PFKFB4: variants seen among roughly 807,000 people sequenced by gnomAD.
PFKFB4 encodes 6-phosphofructo-2-kinase/fructose-2,6-biphosphatase 4.
PFKFB4 carries 42 observed loss-of-function variants against 62.8 expected under a neutral mutation model. The ratio of observed to expected loss-of-function variants is 0.67; its 90% confidence interval spans 0.52 to 0.86. The LOEUF is 0.86. Ranked by LOEUF, PFKFB4 falls within the 40% of genes least tolerant of loss-of-function variation. PFKFB4 has a pLI of 0.00. For synonymous variants in PFKFB4, 204 were observed against 240.7 expected (o/e 0.85, Z 1.41); for missense variants, 475 against 627.2 (o/e 0.76, Z 2.59).
intron 7 of PFKFB4, among the ~76,000 whole-genome samples, chr3:48,537,247 T>C (rs1047434487): frequency 3.9e-5 from 6 of 152,054 alleles, no homozygotes; most frequent in Admixed American, 3.3e-4. Context: ...TTTGGGGGTG[T>C]CACGATGACA....
rs2042829837 is a variant in PFKFB4, at chr3:48,542,408, G to A, written c.378+1172C>T. Among the ~76,000 whole-genome samples, 3 of 152,056 alleles carry A rather than the reference G, an allele frequency of 2.0e-5. No individual in the cohort carries two copies. In the South Asian group the frequency reaches 6.2e-4, roughly 32 times the overall value. The stretch of plus-strand genomic sequence containing the variant: ...CAGAATCTCAGAATCAAGCTAGCAT[G>A]TAGCCACCAGAAGTTCTAGAAAAAG... On this transcript the variant is annotated intron_variant, in intron 4 of 13. Coordinates refer to ENST00000232375, the MANE Select transcript of PFKFB4 (RefSeq NM_004567.4).
intron 1 of PFKFB4, among the ~76,000 whole-genome samples, chr3:48,555,388 G>A (rs1231015438): frequency 3.9e-5 from 6 of 152,122 alleles, no homozygotes; most frequent in Non-Finnish European, 8.8e-5. Context: ...CAAAGCCATG[G>A]CTCCAGGCTG....
In PFKFB4 at chr3:48,525,612, C is replaced by T. The variant is rs142378118; in HGVS notation, c.1045G>A (p.Ala349Thr). ...CGGTACTTGTCCTGGTCCCGCAGGGCGAACTCCAGTGGATAATTATCCTGA... is the reference window on the plus strand; with the variant it reads ...CGGTACTTGTCCTGGTCCCGCAGGGTGAACTCCAGTGGATAATTATCCTGA... ...EIQDNYPLEF[A>T]LRDQDKYRYR... is the part of the protein sequence containing the mutation. Residue 349 changes from alanine to threonine, a missense_variant, in exon 10 of 14, where the codon GCC becomes ACC. Transcript: ENST00000232375. The T allele has an allele frequency of 9.9e-6, 16 of 1,608,540 alleles. No homozygotes were observed. The highest frequency in any genetic ancestry group is 1.3e-5 in the Non-Finnish European group (15 of 1,176,842).
At chr3:48,553,005 A>G (rs1228529544) in intron 1 of PFKFB4, among the ~76,000 whole-genome samples, 2 of 152,224 alleles carry the variant, frequency 1.3e-5, no homozygotes, top group Non-Finnish European at 2.9e-5. Context: ...TCTGCTTACC[A>G]TAGCAAAACA....
At position 48,549,951 on chromosome 3, in the gene PFKFB4, A is replaced by G. The variant is rs2043082207; in HGVS notation, c.224T>C (p.Val75Ala). The part of the protein sequence containing the change: ...WIGVPTREFN[V>A]GQYRRDVVKT... ...GACCACGTCCCGGCGATACTGGCCA[A>G]CATTGAACTCTGGAGGGAAGGAGAG... is the stretch of plus-strand genomic sequence containing the variant. Residue 75 changes from valine to alanine, a missense_variant, in exon 3 of 14, where the codon GTT becomes GCT. Val to Ala is a moderately conservative substitution (Grantham distance 64). Transcript: ENST00000232375. The G allele has an allele frequency of 6.2e-7, 1 of 1,612,500 alleles. No homozygotes were observed. The highest frequency in any genetic ancestry group is 1.3e-5 in the African/African-American group (1 of 74,920).
chr3:48,536,499 G>A (rs369403208), intron 7 of PFKFB4, 36 bp from the exon 8 acceptor site: 33 of 1,535,452 alleles, frequency 2.1e-5, no homozygotes, highest in Middle Eastern at 1.8e-4. Context: ...GCCTGTGAGC[G>A]TGGCCAGGGT....
At chr3:48,554,884 CTACTAAAAA>C (rs2043264393) in intron 1 of PFKFB4, among the ~76,000 whole-genome samples, 1 of 151,954 alleles carries the variant, frequency 6.6e-6, no homozygotes, top group African/African-American at 2.4e-5. Flanking sequence ...AAACTCCATC[CTACTAAAAA>C]TACAAAATTA....
At chr3:48,526,940 C>CA (rs777088751) in intron 9 of PFKFB4, among the ~76,000 whole-genome samples, 2,309 of 65,440 alleles carry the variant, frequency 0.035, 37 homozygotes, top group East Asian at 0.11. Context: ...GACTCCATCT[C>CA]AAAAAAAAAA....
At chr3:48,525,811 A>T (rs2042239606) in intron 9 of PFKFB4, 142 bp from the exon 10 acceptor site, 2 of 476,834 alleles carry the variant, frequency 4.2e-6, no homozygotes, top group African/African-American at 2.0e-5. Flanking sequence ...CTGTCTAAGG[A>T]GGGGAGGACC....
chr3:48,543,436 C>A (rs1245912022), intron 4 of PFKFB4, 144 bp downstream of exon 4: 2 of 727,450 alleles, frequency 2.7e-6, no homozygotes, highest in East Asian at 2.7e-5. Context: ...ATAGCTGTTG[C>A]AGACTTCCTC....
intron 4 of PFKFB4, among the ~76,000 whole-genome samples, chr3:48,543,300 T>A (rs1439483407): frequency 6.6e-6 from 1 of 152,202 alleles, no homozygotes; most frequent in Non-Finnish European, 1.5e-5. Context: ...GGCAACCTGA[T>A]ACCTGTAACT....
chr3:48,541,074 C>T lies in PFKFB4; in HGVS notation c.379-1303G>A, dbSNP rs2042783935. Among the ~76,000 whole-genome samples the T allele has an allele frequency of 2.0e-5, 3 of 149,988 alleles. No homozygotes were observed. The South Asian group carries it at 6.4e-4, about 32-fold the overall frequency. The stretch of plus-strand genomic sequence containing the variant: ...ACAGGGGTGAGCCACTGTGCCCAAC[C>T]ACATCTGGCTAATTTTTTTTTTTTT... On this transcript the variant is annotated intron_variant, in intron 4 of 13. Transcript: ENST00000232375.
chr3:48,560,547 AG>A (rs1187312574), upstream of PFKFB4, among the ~76,000 whole-genome samples: 4 of 152,234 alleles, frequency 2.6e-5, no homozygotes, highest in Non-Finnish European at 5.9e-5. Context: ...AGGACCAGCA[AG>A]GGCACACAGA....
At chr3:48,561,171 C>A, upstream of PFKFB4, 1 of 1,026,022 alleles carries the variant, frequency 9.7e-7, no homozygotes, top group Non-Finnish European at 1.3e-6. This position sits in a 1 kb window ranked among gnomAD's most constrained non-coding sequence, Gnocchi z 5.2. Flanking sequence ...GTGGGGTAAC[C>A]CCGCCTAGCA....
At chr3:48,549,030 C>T (rs185596822) in intron 3 of PFKFB4, among the ~76,000 whole-genome samples, 5 of 152,254 alleles carry the variant, frequency 3.3e-5, no homozygotes, top group Non-Finnish European at 5.9e-5. Flanking sequence ...CTGCTCACTG[C>T]CCTATCCTGA....
intron 10 of PFKFB4, among the ~76,000 whole-genome samples, chr3:48,525,336 C>G (rs536983101): frequency 6.6e-6 from 1 of 152,296 alleles, no homozygotes; most frequent in South Asian, 2.1e-4. Flanking sequence ...AGGTTGAAGG[C>G]CTGCCCTACA....
At chr3:48,556,984 T>C (rs1378092894), upstream of PFKFB4, 5 of 1,380,340 alleles carry the variant, frequency 3.6e-6, no homozygotes, top group African/African-American at 6.0e-5. This position sits in a 1 kb window ranked among gnomAD's most constrained non-coding sequence, Gnocchi z 5.7. Flanking sequence ...CCAACTCACC[T>C]ACCCGCCCGT....
rs974884154 is a variant in PFKFB4, at chr3:48,519,499, G to A, written c.*248C>T. 6 of 500,112 alleles carry A rather than the reference G, an allele frequency of 1.2e-5. No homozygotes were observed. Among genetic ancestry groups the A allele is most frequent in the African/African-American group, 7.7e-5 (4 of 51,866 alleles). 31.0% of individuals were successfully genotyped at this position (500,112 alleles called of 1,614,324 possible). On this transcript the variant is annotated 3_prime_UTR_variant, in exon 14 of 14. Transcript: ENST00000232375. ...GAAACTGGGGCTGGGCAACCTCCGC[G>A]CAGCCCATGCAGATGCAGTCTGGTC... is the stretch of plus-strand genomic sequence containing the variant.
chr3:48,556,859 G>A (rs2043342055), upstream of PFKFB4: 2 of 1,493,594 alleles, frequency 1.3e-6, no homozygotes, highest in East Asian at 2.7e-5. The surrounding 1 kb of genome is among the most constrained non-coding windows in gnomAD (Gnocchi z 5.7). Flanking sequence ...CCCGCCCCTT[G>A]GGCCCCGCCC....
Sources: gnomAD v4.1 joint callset for allele counts (sites outside exome capture counted in the v4.1 genomes callset) on GRCh38, gnomAD v4.1.1 for gene constraint, Gnocchi (gnomAD v3.1) non-coding constraint, MANE v1.5 for transcripts, NCBI Gene and HGNC (gene_info 2026-07-23, HGNC 2026-07-21) for gene names.